LARGE1: variants seen among roughly 807,000 people sequenced by gnomAD.
The protein encoded by LARGE1 is xylosyl- and glucuronyltransferase LARGE1.
In LARGE1, 43 loss-of-function variants were observed where a neutral mutation model predicts 87.6. The observed-to-expected ratio is 0.49, with a 90% CI of 0.38 to 0.63. The LOEUF is 0.63. Ranked by LOEUF, LARGE1 falls within the 30% of genes least tolerant of loss-of-function variation. The probability of loss-of-function intolerance (pLI) is 0.00; values close to 1 mark genes in which losing one functional copy is unlikely to be tolerated. For synonymous variants in LARGE1, 434 were observed against 394.6 expected (o/e 1.10, Z -1.18); for missense variants, 802 against 1,000.2 (o/e 0.80, Z 2.67).
the LARGE1 span, among the ~76,000 whole-genome samples, chr22:33,086,331 G>T: frequency 6.6e-6 from 1 of 152,030 alleles, no homozygotes; most frequent in Non-Finnish European, 1.5e-5. Context: ...CATATTTTAG[G>T]TCATGGGTTG....
intron 1 of LARGE1, among the ~76,000 whole-genome samples, chr22:33,779,524 A>C (rs2085350331): frequency 6.6e-6 from 1 of 152,144 alleles, no homozygotes; most frequent in Non-Finnish European, 1.5e-5. Flanking sequence ...TCATGCCTGT[A>C]ATCTCAGGAC....
intron 9 of LARGE1, among the ~76,000 whole-genome samples, chr22:33,361,220 TAATA>T (rs1555903144): frequency 6.7e-6 from 1 of 148,498 alleles, no homozygotes; most frequent in Non-Finnish European, 1.5e-5. Flanking sequence ...AAAATAATAA[TAATA>T]AATAAATAAA....
chr22:33,073,930 A>G, the LARGE1 span, among the ~76,000 whole-genome samples: 1 of 152,192 alleles, frequency 6.6e-6, no homozygotes, highest in Non-Finnish European at 1.5e-5. Flanking sequence ...CTCCCATGGC[A>G]GCATGAGGGC....
chr22:33,155,230 G>A, the LARGE1 span, among the ~76,000 whole-genome samples: 1 of 152,198 alleles, frequency 6.6e-6, no homozygotes, highest in African/African-American at 2.4e-5. Flanking sequence ...TTTACAGGTA[G>A]AGGTACCTGT....
intron 10 of LARGE1, among the ~76,000 whole-genome samples, chr22:33,325,336 G>C (rs1314766532): frequency 1.3e-5 from 2 of 152,194 alleles, no homozygotes; most frequent in African/African-American, 4.8e-5. Flanking sequence ...ATACAGCTCT[G>C]GCCACTGGAG....
chr22:33,172,694 G>A (rs1156970072), intron 11 of LARGE1, among the ~76,000 whole-genome samples: 4 of 152,022 alleles, frequency 2.6e-5, no homozygotes, highest in East Asian at 3.9e-4. Flanking sequence ...TGCTCTATTC[G>A]AGAACTTCAT....
rs1212066774 is a variant in LARGE1 at position 33,852,437 on chromosome 22, C to T, written c.-83+67558G>A. On this transcript the variant is annotated intron_variant, in intron 1 of 14. Coordinates refer to ENST00000397394, the MANE Select transcript of LARGE1 (RefSeq NM_133642.5). Reference sequence around the variant, plus strand: ...CTTCAAGGTGGTCTGGGCACAAGATCGATAAAGATTTCGCCCCTTAATTAG... The same window carrying T: ...CTTCAAGGTGGTCTGGGCACAAGATTGATAAAGATTTCGCCCCTTAATTAG... 2.0e-5 allele frequency among the ~76,000 whole-genome samples: 3 copies of T among 151,890 alleles called. No individual in the cohort carries two copies. The South Asian group carries it at 6.3e-4, about 32-fold the overall frequency.
At chr22:33,476,334 G>A (rs1280833772) in intron 6 of LARGE1, among the ~76,000 whole-genome samples, 1 of 152,192 alleles carries the variant, frequency 6.6e-6, no homozygotes, top group Admixed American at 6.5e-5. Flanking sequence ...TGTAAATTGT[G>A]TGTTCAGTGA....
At chr22:33,880,891 A>G (rs558129070) in intron 1 of LARGE1, among the ~76,000 whole-genome samples, 1 of 152,230 alleles carries the variant, frequency 6.6e-6, no homozygotes, top group Admixed American at 6.5e-5. Context: ...AGCGAGATTT[A>G]TTTTATACGT....
chr22:33,579,899 T>C (rs2078464037), intron 5 of LARGE1, among the ~76,000 whole-genome samples: 1 of 152,232 alleles, frequency 6.6e-6, no homozygotes, highest in African/African-American at 2.4e-5. Context: ...TAACTTTATT[T>C]TCTGTTTGCA....
At chr22:33,182,245 A>G (rs1442550033) in intron 11 of LARGE1, among the ~76,000 whole-genome samples, 2 of 152,200 alleles carry the variant, frequency 1.3e-5, no homozygotes, top group African/African-American at 4.8e-5. Context: ...AGAATTTTTT[A>G]TTATATATTA....
chr22:33,868,345 G>A (rs981314959), intron 1 of LARGE1, among the ~76,000 whole-genome samples: 6 of 152,164 alleles, frequency 3.9e-5, no homozygotes, highest in African/African-American at 9.7e-5. Flanking sequence ...AAAATTAAGA[G>A]CCAAGTTTTA....
chr22:33,771,394 C>T (rs2085064745), intron 1 of LARGE1, among the ~76,000 whole-genome samples: 1 of 152,082 alleles, frequency 6.6e-6, no homozygotes, highest in Non-Finnish European at 1.5e-5. Flanking sequence ...CTCAGGCTGG[C>T]AGATATGTTT....
intron 2 of LARGE1, among the ~76,000 whole-genome samples, chr22:33,719,491 T>C (rs1296297304): frequency 7.1e-6 from 1 of 141,668 alleles, no homozygotes; most frequent in Non-Finnish European, 1.5e-5. Flanking sequence ...GTATGCCATC[T>C]ATACCATATT....
rs113415022 is a variant in LARGE1, at chr22:33,278,553, T to TCA, written c.1878-1300_1878-1299dup. On this transcript the variant is annotated intron_variant, in intron 13 of 14. Coordinates refer to ENST00000397394, the MANE Select transcript of LARGE1 (RefSeq NM_133642.5). ...TGGGACTATTTTAAATCTCTCTCTC[T>TCA]CACACACACACACACACACACACAC... Among the ~76,000 whole-genome samples, 224 of 148,762 alleles carry TCA rather than the reference T, an allele frequency of 1.5e-3. 1 individual carries two copies. The highest frequency in any genetic ancestry group is 2.1e-3 in the Non-Finnish European group (140 of 67,252).
chr22:33,572,327 C>T (rs1291950212), intron 5 of LARGE1: 3 of 470,274 alleles, frequency 6.4e-6, no homozygotes, highest in South Asian at 2.5e-5. Flanking sequence ...AGAAGTGGGG[C>T]GGGGCTTGAG....
intron 1 of LARGE1, among the ~76,000 whole-genome samples, chr22:33,874,197 C>G (rs2064393526): frequency 6.6e-6 from 1 of 152,150 alleles, no homozygotes; most frequent in Admixed American, 6.5e-5. Context: ...AATCCGGGGA[C>G]AGGACCTAAG....
chr22:33,437,428 C>T (rs1447769607), intron 6 of LARGE1, among the ~76,000 whole-genome samples: 2 of 152,176 alleles, frequency 1.3e-5, no homozygotes, highest in Non-Finnish European at 2.9e-5. Context: ...CTTGCTTCTT[C>T]ATTCACTTGT....
intron 1 of LARGE1, among the ~76,000 whole-genome samples, chr22:33,912,068 C>T (rs1228077983): frequency 2.6e-5 from 4 of 152,194 alleles, no homozygotes; most frequent in Non-Finnish European, 5.9e-5. Context: ...AAAGCCCCAC[C>T]GGCCTATGGG....
Sources: allele counts gnomAD v4.1 joint callset (sites outside exome capture counted in the v4.1 genomes callset), GRCh38; gene constraint gnomAD v4.1.1; transcripts MANE v1.5; gene names NCBI Gene and HGNC (gene_info 2026-07-23, HGNC 2026-07-21).